ADGRB3: variants seen among roughly 807,000 people sequenced by gnomAD.
ADGRB3 encodes brain-specific angiogenesis inhibitor 3.
In ADGRB3, 37 loss-of-function variants were observed where a neutral mutation model predicts 193.4. The ratio of observed to expected loss-of-function variants is 0.19; its 90% CI spans 0.15 to 0.25. The LOEUF (loss-of-function observed/expected upper bound fraction) is 0.25. Ranked by LOEUF, ADGRB3 falls within the 10% of genes least tolerant of loss-of-function variation. The pLI is 1.00. For missense variants in ADGRB3, 1,637 were observed against 1,852.9 expected (o/e 0.88, Z 2.14); for synonymous variants, 690 against 644.2 (o/e 1.07, Z -1.08).
rs1774176634 is a variant in ADGRB3 at position 69,137,180 on chromosome 6, G to A, written c.2480+61142G>A. 2.7e-5 allele frequency among the ~76,000 whole-genome samples: 4 copies of A among 149,080 alleles called. No homozygotes were observed. The South Asian group carries it at 8.5e-4, about 32-fold the overall frequency. Reference sequence around the variant, plus strand: ...GTGAGTTTCAACGTGGAATCTTAATGCAAACATTTATAACCATCCAAAGTT... The same window carrying A: ...GTGAGTTTCAACGTGGAATCTTAATACAAACATTTATAACCATCCAAAGTT... On this transcript the variant is annotated intron_variant, in intron 17 of 31. Transcript: ENST00000370598.
chr6:68,936,466 C>G (rs1751315181), intron 4 of ADGRB3, 53 bp from the exon 5 acceptor site: 4 of 1,556,484 alleles, frequency 2.6e-6, no homozygotes, highest in Non-Finnish European at 3.5e-6. Flanking sequence ...ATAATGCTTA[C>G]TAGATGAATA....
At chr6:69,048,520 A>G (rs1015745424) in intron 14 of ADGRB3, among the ~76,000 whole-genome samples, 186 bp downstream of exon 14, 4 of 152,164 alleles carry the variant, frequency 2.6e-5, no homozygotes, top group Non-Finnish European at 5.9e-5. Flanking sequence ...TTACTGAAGA[A>G]AACAGTCTAT....
chr6:69,357,401 A>G (rs1307899194), intron 28 of ADGRB3, among the ~76,000 whole-genome samples: 1 of 152,014 alleles, frequency 6.6e-6, no homozygotes, highest in African/African-American at 2.4e-5. Context: ...CTATTATTTT[A>G]CCAATTTCAG....
chr6:69,292,713 C>CTT (rs58594374), intron 20 of ADGRB3, among the ~76,000 whole-genome samples: 11 of 144,958 alleles, frequency 7.6e-5, no homozygotes, highest in African/African-American at 2.0e-4. Flanking sequence ...CAACCTCTTT[C>CTT]TTTTTTTTTT....
At chr6:68,852,265 C>T (rs1343340154) in intron 3 of ADGRB3, among the ~76,000 whole-genome samples, 1 of 151,680 alleles carries the variant, frequency 6.6e-6, no homozygotes, top group Non-Finnish European at 1.5e-5. Context: ...AAGATTTATG[C>T]TTCATGTCTT....
chr6:68,681,123 A>G (rs2127298162), intron 3 of ADGRB3, among the ~76,000 whole-genome samples: 1 of 152,186 alleles, frequency 6.6e-6, no homozygotes, highest in East Asian at 1.9e-4. Flanking sequence ...GAGGTGTGTC[A>G]CCTTTTTGAA....
intron 3 of ADGRB3, among the ~76,000 whole-genome samples, chr6:68,796,654 A>G (rs1017436103): frequency 7.2e-5 from 11 of 152,212 alleles, no homozygotes; most frequent in Admixed American, 1.3e-4. Context: ...TTATGACCCA[A>G]GTTCCGAAAT....
At chr6:68,910,939 T>G (rs1429721044) in intron 3 of ADGRB3, among the ~76,000 whole-genome samples, 3 of 152,236 alleles carry the variant, frequency 2.0e-5, no homozygotes, top group East Asian at 1.9e-4. Flanking sequence ...CCAATTCTGT[T>G]AAGAAAGTCA....
chr6:69,371,310 G>GATT (rs1159528733), intron 29 of ADGRB3, among the ~76,000 whole-genome samples: 1 of 152,032 alleles, frequency 6.6e-6, no homozygotes, highest in Non-Finnish European at 1.5e-5. Context: ...TAGTTTTCAA[G>GATT]AAACTACATT....
chr6:69,279,429 C>T lies in ADGRB3; in HGVS notation c.2814+40203C>T, dbSNP rs578025031. Among the ~76,000 whole-genome samples the T allele has an allele frequency of 3.3e-5, 5 of 150,870 alleles. No individual in the cohort carries two copies. In the East Asian group the frequency reaches 5.9e-4, roughly 18 times the overall value. ...TATTGTTTTCACACCATCGTAAAGG[C>T]GAAAATTTGTTAGTCAAGAATGCTG... On this transcript the variant is annotated intron_variant, in intron 20 of 31. Transcript: ENST00000370598.
At chr6:68,699,381 A>G (rs190842195) in intron 3 of ADGRB3, among the ~76,000 whole-genome samples, 1 of 152,306 alleles carries the variant, frequency 6.6e-6, no homozygotes, top group East Asian at 1.9e-4. Context: ...TCTTTATAAA[A>G]TAAAACAGAA....
intron 3 of ADGRB3, among the ~76,000 whole-genome samples, chr6:68,926,289 T>C (rs1218721007): frequency 6.6e-6 from 1 of 152,096 alleles, no homozygotes; most frequent in Non-Finnish European, 1.5e-5. Flanking sequence ...CTAATAATTA[T>C]AATGAAAGTC....
chr6:69,258,041 T>C (rs1456205315), intron 20 of ADGRB3, among the ~76,000 whole-genome samples: 4 of 152,146 alleles, frequency 2.6e-5, no homozygotes, highest in Non-Finnish European at 5.9e-5. Context: ...CAGACCCCAT[T>C]TGTCAGGAAA....
intron 20 of ADGRB3, among the ~76,000 whole-genome samples, chr6:69,253,699 T>C (rs1220920033): frequency 1.3e-5 from 2 of 152,170 alleles, no homozygotes; most frequent in Non-Finnish European, 2.9e-5. Context: ...CTTTCAATAC[T>C]CTGTCTTTTG....
intron 17 of ADGRB3, among the ~76,000 whole-genome samples, chr6:69,161,155 T>C (rs1774974829): frequency 6.6e-6 from 1 of 152,104 alleles, no homozygotes; most frequent in Non-Finnish European, 1.5e-5. Flanking sequence ...TAATAAAGCC[T>C]AATATGTAAT....
intron 21 of ADGRB3, among the ~76,000 whole-genome samples, chr6:69,327,559 T>C (rs2127311088): frequency 6.6e-6 from 1 of 152,310 alleles, no homozygotes; most frequent in East Asian, 1.9e-4. Context: ...TAAATCTCTG[T>C]TATTACTTCC....
chr6:68,913,526 A>G (rs1766784227), intron 3 of ADGRB3, among the ~76,000 whole-genome samples: 1 of 152,188 alleles, frequency 6.6e-6, no homozygotes. Context: ...GGACATCCAC[A>G]CCAAAAACCC....
chr6:68,985,017 G>C (rs1038259548), intron 10 of ADGRB3, among the ~76,000 whole-genome samples: 5 of 152,074 alleles, frequency 3.3e-5, no homozygotes, highest in Admixed American at 6.6e-5. Flanking sequence ...TTTCCAGAAG[G>C]TTGAAAATAA....
intron 8 of ADGRB3, among the ~76,000 whole-genome samples, chr6:68,964,894 C>T (rs904638708): frequency 1.3e-5 from 2 of 152,038 alleles, no homozygotes; most frequent in Admixed American, 6.6e-5. Context: ...TGTTTACCAC[C>T]ATAACAATAA....
Sources: gnomAD v4.1 joint callset for allele counts (sites outside exome capture counted in the v4.1 genomes callset) on GRCh38, gnomAD v4.1.1 for gene constraint, MANE v1.5 for transcripts, NCBI Gene and HGNC (gene_info 2026-07-23, HGNC 2026-07-21) for gene names.